Variants in FBXL17 observed in about 807,000 individuals in gnomAD.
FBXL17 encodes F-box/LRR-repeat protein 17.
In FBXL17, 22 loss-of-function variants were observed where a neutral mutation model predicts 66.2. The ratio of observed to expected loss-of-function variants is 0.33; its 90% CI spans 0.24 to 0.47. FBXL17 has a LOEUF of 0.47. FBXL17 is among the 20% of genes least tolerant of loss of function. The pLI is 1.00. For synonymous variants in FBXL17, 474 were observed against 400.5 expected, an observed-to-expected ratio of 1.18 and a Z score of -2.19; for missense variants, 878 against 948.2, an observed-to-expected ratio of 0.93 and a Z score of 0.97.
At chr5:108,213,191 T>C (rs936404500) in intron 5 of FBXL17, among the ~76,000 whole-genome samples, 1 of 151,922 alleles carries the variant, frequency 6.6e-6, no homozygotes, top group South Asian at 2.1e-4. Context: ...GTGCTGACAG[T>C]GAGAATTTCA....
At chr5:107,887,869 G>T (rs1448755898) in intron 7 of FBXL17, among the ~76,000 whole-genome samples, 7 of 152,150 alleles carry the variant, frequency 4.6e-5, no homozygotes, top group Admixed American at 4.6e-4. Context: ...AGAACCACTG[G>T]AACAGAATAA....
At chr5:107,975,795 A>G (rs1005872193) in intron 7 of FBXL17, among the ~76,000 whole-genome samples, 3 of 151,900 alleles carry the variant, frequency 2.0e-5, no homozygotes, top group Non-Finnish European at 2.9e-5. Context: ...ACCAATCTAC[A>G]TGTAAATTTG....
chr5:108,235,008 GA>G (rs879920925), intron 4 of FBXL17, among the ~76,000 whole-genome samples: 1 of 152,132 alleles, frequency 6.6e-6, no homozygotes, highest in Non-Finnish European at 1.5e-5. Flanking sequence ...ATCTTTATCA[GA>G]ATAAGATTGA....
At chr5:108,205,128 A>C (rs77029605) in intron 5 of FBXL17, among the ~76,000 whole-genome samples, 11,038 of 151,866 alleles carry the variant, frequency 0.073, 1,340 homozygotes, top group African/African-American at 0.25. Context: ...TCTAAAAGTC[A>C]CATCCTTTAT....
intron 7 of FBXL17, among the ~76,000 whole-genome samples, chr5:107,899,452 C>A (rs984201009): frequency 1.3e-5 from 2 of 151,930 alleles, no homozygotes; most frequent in Admixed American, 1.3e-4. Flanking sequence ...GACCAGCCTG[C>A]GCAAATAGTG....
intron 6 of FBXL17, among the ~76,000 whole-genome samples, chr5:108,162,301 C>G (rs528947469): frequency 4.3e-4 from 65 of 151,948 alleles, no homozygotes; most frequent in Middle Eastern, 3.4e-3. Flanking sequence ...TATTTGAGAC[C>G]AGCCTGAGTA....
rs559228444 is a variant in FBXL17, at chr5:107,879,844, G to A, written c.1965+1193C>T. 8 of 985,370 alleles carry A rather than the reference G, an allele frequency of 8.1e-6. No homozygotes were observed. In the African/African-American group the frequency reaches 8.7e-5, roughly 11 times the overall value. 61.0% of individuals were successfully genotyped at this position (985,370 alleles called of 1,614,324 possible). The stretch of plus-strand genomic sequence containing the variant: ...ACCTTTTCCAAGGGAAGCAGTCCCC[G>A]TGGCCACAGACTGCCCCCTGGGTTG... On this transcript the variant is annotated intron_variant, in intron 8 of 8. Coordinates refer to ENST00000542267, the MANE Select transcript of FBXL17 (RefSeq NM_001163315.3).
rs142322815 is a variant in FBXL17, at chr5:108,096,918, C to T, written c.1746-75917G>A. 4.8e-4 allele frequency among the ~76,000 whole-genome samples: 73 copies of T among 152,278 alleles called. 1 individual carries two copies. The South Asian group carries it at 0.013, about 27-fold the overall frequency. On this transcript the variant is annotated intron_variant, in intron 6 of 8. Transcript: ENST00000542267. ...TGTGTTGAAGAGTGAAAGAGTGGTA[C>T]ACATGTAAAGGCACATGCATGGGGC...
chr5:108,336,560 A>G (rs1760390822), intron 4 of FBXL17, among the ~76,000 whole-genome samples: 2 of 152,198 alleles, frequency 1.3e-5, no homozygotes, highest in African/African-American at 4.8e-5. Flanking sequence ...CAACCATGTG[A>G]ATGAAAATAT....
chr5:107,882,125 G>A (rs1186292184), intron 7 of FBXL17, among the ~76,000 whole-genome samples: 3 of 152,104 alleles, frequency 2.0e-5, no homozygotes, highest in Non-Finnish European at 4.4e-5. Context: ...TCAAAACCCT[G>A]AAAACAGTGC....
At chr5:108,039,161 A>T (rs1187287158) in intron 6 of FBXL17, among the ~76,000 whole-genome samples, 1 of 152,086 alleles carries the variant, frequency 6.6e-6, no homozygotes, top group South Asian at 2.1e-4. Context: ...AAGTTTTTAG[A>T]TCCCTTGTTG....
chr5:108,323,284 A>G (rs1175065689), intron 4 of FBXL17, among the ~76,000 whole-genome samples: 1 of 151,890 alleles, frequency 6.6e-6, no homozygotes, highest in East Asian at 1.9e-4. Context: ...AACATAAAAA[A>G]TCAGGTGCAT....
At position 108,365,695 on chromosome 5, in the gene FBXL17, C is replaced by T. The variant is rs184136039; in HGVS notation, c.1117-700G>A. Reference sequence around the variant, plus strand: ...AAGTTCAGGTGGCTTCTGGGACTTGCAACTGATATCTGAAGTGTGGGTAGT... The same window carrying T: ...AAGTTCAGGTGGCTTCTGGGACTTGTAACTGATATCTGAAGTGTGGGTAGT... On this transcript the variant is annotated intron_variant, in intron 2 of 8. Transcript: ENST00000542267. Among the ~76,000 whole-genome samples, 33 of 152,214 alleles carry T rather than the reference C, an allele frequency of 2.2e-4. 1 individual carries two copies. In the East Asian group the frequency reaches 6.4e-3, roughly 29 times the overall value.
chr5:108,305,216 C>T (rs1019860344), intron 4 of FBXL17, among the ~76,000 whole-genome samples: 2 of 151,982 alleles, frequency 1.3e-5, no homozygotes, highest in Non-Finnish European at 2.9e-5. Flanking sequence ...TAGTAGAAGT[C>T]AGGTTTGCTA....
intron 7 of FBXL17, among the ~76,000 whole-genome samples, chr5:107,891,934 T>C (rs188538264): frequency 1.1e-4 from 16 of 152,232 alleles, no homozygotes; most frequent in Admixed American, 9.8e-4. Flanking sequence ...CCATCGTAAG[T>C]TGAAAATATC....
intron 3 of FBXL17, among the ~76,000 whole-genome samples, chr5:108,356,571 A>G (rs1748001759): frequency 6.6e-6 from 1 of 152,106 alleles, no homozygotes; most frequent in South Asian, 2.1e-4. Context: ...TCCAATCTAA[A>G]GGGGTTACAT....
chr5:107,935,070 T>C (rs11745399), intron 7 of FBXL17, among the ~76,000 whole-genome samples: 57,412 of 151,650 alleles, frequency 0.38, 11,600 homozygotes, highest in East Asian at 0.6. Context: ...TATCTTTTGT[T>C]TTTTTTTTGC....
intron 5 of FBXL17, among the ~76,000 whole-genome samples, chr5:108,201,853 T>TAAAAAA (rs55995911): frequency 5.4e-5 from 7 of 129,214 alleles, no homozygotes; most frequent in Non-Finnish European, 5.0e-5. Flanking sequence ...AATTTGAAAG[T>TAAAAAA]AAAAAAAAAA....
intron 1 of FBXL17, 81 bp from the exon 2 acceptor site, chr5:108,368,034 GTT>G (rs1249215744): frequency 1.4e-5 from 18 of 1,331,456 alleles, no homozygotes; most frequent in Non-Finnish European, 1.8e-5. Context: ...GTTAGAAAAA[GTT>G]AACTTTGTAA....
Sources: gnomAD v4.1 joint callset for allele counts (sites outside exome capture counted in the v4.1 genomes callset) on GRCh38, gnomAD v4.1.1 for gene constraint, MANE v1.5 for transcripts, NCBI Gene and HGNC (gene_info 2026-07-23, HGNC 2026-07-21) for gene names.